The following RICTOR variants were observed in gnomAD, a reference collection of about 807,000 sequenced individuals.
The protein encoded by RICTOR is RPTOR independent companion of MTOR complex 2.
A neutral mutation model predicts 214.9 loss-of-function variants in RICTOR; 49 were observed. The ratio of observed to expected loss-of-function variants is 0.23; its 90% CI spans 0.18 to 0.29. RICTOR has a LOEUF of 0.29. Ranked by LOEUF, RICTOR falls within the 10% of genes least tolerant of loss-of-function variation. RICTOR has a pLI of 1.00. For synonymous variants in RICTOR, 717 were observed against 711.3 expected (o/e 1.01, Z -0.13); for missense variants, 1,625 against 2,047.0 (o/e 0.79, Z 3.98).
At chr5:38,983,977 A>T (rs1047869486) in intron 7 of RICTOR, among the ~76,000 whole-genome samples, 10 of 152,108 alleles carry the variant, frequency 6.6e-5, no homozygotes, top group Admixed American at 5.9e-4. Flanking sequence ...AAACAAAAAC[A>T]AAACAAAACA....
At chr5:39,012,855 T>A (rs1004069544) in intron 3 of RICTOR, among the ~76,000 whole-genome samples, 3 of 152,132 alleles carry the variant, frequency 2.0e-5, no homozygotes, top group African/African-American at 7.2e-5. Flanking sequence ...TGGCTATCAG[T>A]CACAACGCCT....
At chr5:39,021,387 T>C (rs1367791062) in intron 2 of RICTOR, among the ~76,000 whole-genome samples, 2 of 152,184 alleles carry the variant, frequency 1.3e-5, no homozygotes, top group South Asian at 4.1e-4. Flanking sequence ...AAATCTTAAA[T>C]CTTGCTATTA....
chr5:39,029,219 G>A (rs1485596317), intron 2 of RICTOR, among the ~76,000 whole-genome samples: 1 of 151,808 alleles, frequency 6.6e-6, no homozygotes, highest in Non-Finnish European at 1.5e-5. Flanking sequence ...ATTTTATTTT[G>A]TGTTAATTAC....
intron 6 of RICTOR, among the ~76,000 whole-genome samples, chr5:38,995,826 C>G (rs1310143824): frequency 1.3e-5 from 2 of 152,088 alleles, no homozygotes; most frequent in East Asian, 1.9e-4. Flanking sequence ...AGTCAAATTA[C>G]AATCCTAGTG....
intron 2 of RICTOR, among the ~76,000 whole-genome samples, chr5:39,032,510 A>T (rs1247614535): frequency 6.6e-6 from 1 of 152,212 alleles, no homozygotes; most frequent in Non-Finnish European, 1.5e-5. Flanking sequence ...GGAGCCTGGA[A>T]GTCATCACAT....
At chr5:38,967,065 T>C (rs1750293449) in intron 14 of RICTOR, 96 bp downstream of exon 14, 1 of 933,866 alleles carries the variant, frequency 1.1e-6, no homozygotes, top group Non-Finnish European at 1.7e-6. Flanking sequence ...CTTCTCAAAG[T>C]GTTGGGATTA....
intron 7 of RICTOR, among the ~76,000 whole-genome samples, chr5:38,990,523 T>TGATATATACACGATATATAC (rs1752522868): frequency 7.7e-6 from 1 of 129,800 alleles, no homozygotes; most frequent in Non-Finnish European, 1.6e-5. Flanking sequence ...ACGATATATA[T>TGATATATACACGATATATAC]ACGATATATA....
intron 2 of RICTOR, among the ~76,000 whole-genome samples, chr5:39,058,353 TGAGA>T (rs970501713): frequency 6.6e-6 from 1 of 151,670 alleles, no homozygotes; most frequent in Non-Finnish European, 1.5e-5. Flanking sequence ...CAGAAAGCAA[TGAGA>T]GAAACAAAAA....
Position 38,950,273 on chromosome 5 carries a change from T to C in RICTOR, c.3575A>G (p.Glu1192Gly). Residue 1192 changes from glutamate (E) to glycine (G), a missense_variant, in exon 31 of 38, where the codon GAG (glutamate) becomes GGG (glycine). Glu to Gly is a moderately conservative substitution (Grantham distance 98). Transcript: ENST00000357387. ...TCGGCTTGTATTTTCTCTGTGATTC[T>C]CTGTACCAAAATTCTTGGTGAATTT... ...DLKFTKNFGT[E>G]NHRENTSRER... 6.2e-7 allele frequency: 1 copy of C among 1,613,654 alleles called. No homozygotes were observed. Among genetic ancestry groups the C allele is most frequent in the East Asian group, 2.2e-5 (1 of 44,860 alleles).
At chr5:38,948,724 T>G (rs898309597) in intron 31 of RICTOR, among the ~76,000 whole-genome samples, 1 of 152,078 alleles carries the variant, frequency 6.6e-6, no homozygotes, top group Non-Finnish European at 1.5e-5. Flanking sequence ...CTGGACAAGG[T>G]TGCCAAAGCT....
chr5:38,954,332 G>A (rs186085855), intron 27 of RICTOR, among the ~76,000 whole-genome samples: 240 of 151,990 alleles, frequency 1.6e-3, no homozygotes, highest in Non-Finnish European at 2.7e-3. Flanking sequence ...TGAAGTACGC[G>A]AGAATAAAAT....
At chr5:38,952,542 T>C in intron 29 of RICTOR, 117 bp from the exon 30 acceptor site, 1 of 541,572 alleles carries the variant, frequency 1.8e-6, no homozygotes, top group Non-Finnish European at 2.9e-6. Flanking sequence ...ACCAAAATGG[T>C]TGCGTTTGTG....
chr5:38,944,936 G>A lies in RICTOR; in HGVS notation c.4766C>T (p.Thr1589Ile). 6.2e-7 allele frequency: 1 copy of A among 1,613,896 alleles called. No homozygotes were observed. Among genetic ancestry groups the A allele is most frequent in the Non-Finnish European group, 8.5e-7 (1 of 1,179,930 alleles). Residue 1589 changes from threonine (T) to isoleucine (I), a missense_variant, in exon 35 of 38, where the codon ACC (threonine) becomes ATC (isoleucine). By Grantham distance (89) the Thr-to-Ile change is moderately conservative (BLOSUM62 -1). Transcript: ENST00000357387. ...ACCTAGTAACAATTCTGTGCTTTTG[G>A]TGCTGCTAGCTGAGCCTTCTTGAGA... The part of the protein sequence containing the change: ...GVSQEGSASS[T>I]KSTELLLGVK...
chr5:39,040,261 G>C lies in RICTOR; in HGVS notation c.98-19125C>G, dbSNP rs1352272639. ...ATGTTCTCACTCATAGGTGGGAACTGAACAATGAGAACACATGGACACAGG... is the reference window on the plus strand; with the variant it reads ...ATGTTCTCACTCATAGGTGGGAACTCAACAATGAGAACACATGGACACAGG... On this transcript the variant is annotated intron_variant, in intron 2 of 37. Coordinates refer to ENST00000357387, the MANE Select transcript of RICTOR (RefSeq NM_152756.5). 6.6e-5 allele frequency among the ~76,000 whole-genome samples: 9 copies of C among 136,614 alleles called. No homozygotes were observed. The Admixed American group carries it at 7.7e-4, about 12-fold the overall frequency. The allele number at this position is 136,614 out of a possible 152,430, so 89.6% of individuals were successfully genotyped here. A position where few individuals can be genotyped will look rare whatever the true frequency, so the allele number is the denominator to read the frequency against.
intron 3 of RICTOR, among the ~76,000 whole-genome samples, chr5:39,011,861 T>C (rs773654589): frequency 1.3e-5 from 2 of 152,190 alleles, no homozygotes; most frequent in African/African-American, 2.4e-5. Flanking sequence ...TACAGGCTCA[T>C]AGGCGGAAGG....
chr5:38,957,733 G>A lies in RICTOR; in HGVS notation c.2421-3C>T. The A allele has an allele frequency of 1.3e-6, 2 of 1,532,610 alleles. No individual in the cohort carries two copies. The highest frequency in any genetic ancestry group is 1.8e-5 in the Admixed American group (1 of 56,154). The allele number at this position is 1,532,610 out of a possible 1,614,324, so 94.9% of individuals were successfully genotyped here. ...ATCCTTTTGGAATGGAGAGAAATCT[G>A]CAAATTAAAACAAGCAATAGTTTAA... is the stretch of plus-strand genomic sequence containing the variant. On this transcript the variant is annotated splice_region_variant and splice_polypyrimidine_tract_variant and intron_variant, in intron 24 of 37. Transcript: ENST00000357387.
chr5:38,998,933 T>C (rs564062526), intron 5 of RICTOR, among the ~76,000 whole-genome samples: 1 of 149,702 alleles, frequency 6.7e-6, no homozygotes, highest in Admixed American at 6.7e-5. Flanking sequence ...GGAGAATCAC[T>C]TGAACCCAGA....
intron 3 of RICTOR, among the ~76,000 whole-genome samples, chr5:39,012,844 T>C (rs1026748763): frequency 1.3e-5 from 2 of 152,182 alleles, no homozygotes; most frequent in Non-Finnish European, 2.9e-5. Flanking sequence ...TTTTTTTTAA[T>C]TGGCTATCAG....
intron 2 of RICTOR, among the ~76,000 whole-genome samples, chr5:39,055,415 A>G (rs1758135140): frequency 2.1e-5 from 2 of 93,476 alleles, no homozygotes; most frequent in African/African-American, 1.0e-4. Flanking sequence ...TTCTCTGACA[A>G]TTCCCCCCCC....
Sources: gnomAD v4.1 joint callset for allele counts (sites outside exome capture counted in the v4.1 genomes callset) on GRCh38, gnomAD v4.1.1 for gene constraint, MANE v1.5 for transcripts, NCBI Gene and HGNC (gene_info 2026-07-23, HGNC 2026-07-21) for gene names.